AP5M1: variants seen among roughly 807,000 people sequenced by gnomAD.
The protein encoded by AP5M1 is adaptor related protein complex 5 subunit mu 1.
In AP5M1, 44 loss-of-function variants were observed where a neutral mutation model predicts 52.3. That is an observed-to-expected ratio of 0.84 (90% CI 0.66 to 1.08). The LOEUF (loss-of-function observed/expected upper bound fraction) is 1.08. Among genes scored for constraint, AP5M1 ranks in the 50% least tolerant of loss-of-function variants. The pLI, the probability that AP5M1 is intolerant of heterozygous loss-of-function variation, is 0.00. For synonymous variants in AP5M1, 213 were observed against 199.0 expected, an observed-to-expected ratio of 1.07 and a Z score of -0.59; for missense variants, 526 against 568.4, an observed-to-expected ratio of 0.93 and a Z score of 0.76.
At chr14:57,272,912 C>G (rs1884928221) in intron 1 of AP5M1, among the ~76,000 whole-genome samples, 1 of 151,850 alleles carries the variant, frequency 6.6e-6, no homozygotes, top group Non-Finnish European at 1.5e-5. Flanking sequence ...TGCTTGCTTG[C>G]TTGGTGTTTT....
intron 1 of AP5M1, 41 bp downstream of exon 1, chr14:57,269,429 G>T (rs1260165197): frequency 6.3e-7 from 1 of 1,598,512 alleles, no homozygotes; most frequent in Non-Finnish European, 8.6e-7. Flanking sequence ...TGGATCAGAA[G>T]ATCGATGAAG....
Position 57,280,328 on chromosome 14 carries a change from T to C in AP5M1, c.854T>C (p.Ile285Thr), listed in dbSNP as rs1273152345. 6.2e-7 allele frequency: 1 copy of C among 1,614,020 alleles called. No homozygotes were observed. Among genetic ancestry groups the C allele is most frequent in the South Asian group, 1.1e-5 (1 of 91,088 alleles). ...TCTGCAATTCTGACTTCTAGTAGTA[T>C]TGATGCAATGGATGACTCTGCATTT... ...LDSAILTSSS[I>T]DAMDDSAFSG... Residue 285 changes from isoleucine to threonine, a missense_variant, in exon 3 of 8, where the codon ATT (isoleucine) becomes ACT (threonine). Physicochemically the swap from Ile to Thr is moderately conservative, Grantham distance 89. Transcript: ENST00000261558.
In AP5M1 at chr14:57,268,987, T is replaced by C. The variant is rs778311795; in HGVS notation, c.-328T>C. 1 of 562,954 alleles carries C rather than the reference T, an allele frequency of 1.8e-6. No individual in the cohort carries two copies. The allele number at this position is 562,954 out of a possible 1,614,324, so 34.9% of individuals were successfully genotyped here. The stretch of plus-strand genomic sequence containing the variant: ...ACCGAAAAAAGGCTCGACGCTACCG[T>C]GTATGAGGAACTTTGATCCTTGCGG... On this transcript the variant is annotated 5_prime_UTR_variant, in exon 1 of 8. Coordinates refer to ENST00000261558, the MANE Select transcript of AP5M1 (RefSeq NM_018229.4).
rs981765139 is a variant in AP5M1 at position 57,293,554 on chromosome 14, C to T, written c.*4670C>T. ...AAGTTCCTAAACCACAGCAGAATTG[C>T]GGATCAGGAAAAATACAAGATAACG... On this transcript the variant is annotated 3_prime_UTR_variant, in exon 8 of 8. Coordinates refer to ENST00000261558, the MANE Select transcript of AP5M1 (RefSeq NM_018229.4). The T allele has an allele frequency of 6.6e-6, 1 of 151,470 alleles. No homozygotes were observed. The allele number at this position is 151,470 out of a possible 1,614,324, so 9.4% of individuals were successfully genotyped here.
chr14:57,272,184 T>C (rs375280081), intron 1 of AP5M1, among the ~76,000 whole-genome samples: 5 of 152,220 alleles, frequency 3.3e-5, no homozygotes, highest in African/African-American at 1.2e-4. Context: ...AATACATTTA[T>C]GGAGGTAGCA....
chr14:57,274,242 A>G lies in AP5M1; in HGVS notation c.75-2A>G, dbSNP rs1281441427. On this transcript the variant is annotated splice_acceptor_variant, in intron 1 of 7. Transcript: ENST00000261558. LOFTEE classifies it high-confidence loss of function. ...TATAATGTTTCTGTTTCCGTAATGC[A>G]GACGGTATCCAACTGTTGAAAAACG... The G allele has an allele frequency of 2.5e-6, 4 of 1,589,606 alleles. No homozygotes were observed. Among genetic ancestry groups the G allele is most frequent in the East Asian group, 2.2e-5 (1 of 44,582 alleles).
At chr14:57,287,312 G>GTA (rs1446599737) in intron 7 of AP5M1, among the ~76,000 whole-genome samples, 1 of 152,038 alleles carries the variant, frequency 6.6e-6, no homozygotes, top group Non-Finnish European at 1.5e-5. Flanking sequence ...GACTCTCCAT[G>GTA]TACATTTCAA....
Position 57,280,243 on chromosome 14 carries a change from C to G in AP5M1, c.769C>G (p.Pro257Ala). The G allele has an allele frequency of 6.2e-7, 1 of 1,614,002 alleles. No homozygotes were observed. The highest frequency in any genetic ancestry group is 8.5e-7 in the Non-Finnish European group (1 of 1,179,964). ...MPNVTISLSL[P>A]TNGSPLQDIL... is the part of the protein sequence containing the mutation. ...AAATGTTACCATCAGCTTGAGTCTC[C>G]CCACCAATGGATCTCCACTTCAGGA... The change falls in exon 3 of 8, where the codon CCC (proline) becomes GCC (alanine). Residue 257 changes from proline (P) to alanine (A), a missense_variant. Around this residue, in one of 3 missense-constraint regions of AP5M1, gnomAD observed 425 missense variants for 430.6 expected, o/e 0.99. Coordinates refer to ENST00000261558, the MANE Select transcript of AP5M1 (RefSeq NM_018229.4).
chr14:57,281,954 T>C, intron 3 of AP5M1, 135 bp from the exon 4 acceptor site: 2 of 690,316 alleles, frequency 2.9e-6, no homozygotes, highest in Admixed American at 4.1e-5. Flanking sequence ...AAGATGAATA[T>C]AGATTCATCA....
intron 2 of AP5M1, among the ~76,000 whole-genome samples, chr14:57,276,801 T>TA (rs1166075090): frequency 6.6e-6 from 1 of 152,176 alleles, no homozygotes; most frequent in African/African-American, 2.4e-5. Context: ...CTTCCTTATT[T>TA]AAAAAATGTT....
At chr14:57,282,810 A>G (rs942648745) in intron 4 of AP5M1, 124 bp from the exon 5 acceptor site, 2 of 558,816 alleles carry the variant, frequency 3.6e-6, no homozygotes, top group Non-Finnish European at 6.3e-6. Context: ...CTATTCTGCA[A>G]ACTTGAATAC....
intron 3 of AP5M1, among the ~76,000 whole-genome samples, chr14:57,280,830 G>A (rs1348230149): frequency 6.7e-6 from 1 of 149,858 alleles, no homozygotes; most frequent in Admixed American, 6.7e-5. Flanking sequence ...CAGCCTGGGC[G>A]ACAGAGTGAG....
At chr14:57,276,059 GGTCT>G (rs1173532722) in intron 2 of AP5M1, among the ~76,000 whole-genome samples, 2 of 151,580 alleles carry the variant, frequency 1.3e-5, no homozygotes, top group African/African-American at 2.4e-5. Flanking sequence ...AGAAAAATTG[GGTCT>G]GTCTTTTTTT....
rs533291379 is a variant in AP5M1 at position 57,288,873 on chromosome 14, T to G, written c.1462T>G (p.Leu488Val). The G allele has an allele frequency of 3.1e-5, 47 of 1,535,668 alleles. No individual in the cohort carries two copies. In the East Asian group the frequency reaches 1.0e-3, roughly 33 times the overall value. ...KAPAPVTYGS[L>V]LL ...CCCTGCTCCAGTAACATATGGATCATTATTATTGTAATAGTCTCATGTTTA... is the reference window on the plus strand; with the variant it reads ...CCCTGCTCCAGTAACATATGGATCAGTATTATTGTAATAGTCTCATGTTTA... The change falls in exon 8 of 8, where the codon TTA (leucine) becomes GTA (valine). Residue 488 changes from leucine (L) to valine (V), a missense_variant. Around this residue, in one of 3 missense-constraint regions of AP5M1, gnomAD observed 97 missense variants for 121.3 expected, o/e 0.80. Transcript: ENST00000261558.
chr14:57,275,039 T>G (rs1476451098), intron 2 of AP5M1, 150 bp downstream of exon 2: 1 of 809,322 alleles, frequency 1.2e-6, no homozygotes, highest in Non-Finnish European at 1.9e-6. Flanking sequence ...TTATGTTATC[T>G]TTTTGCATTC....
chr14:57,289,331 C>T lies in AP5M1; in HGVS notation c.*447C>T, dbSNP rs1439270486. The T allele has an allele frequency of 6.6e-6, 1 of 152,418 alleles. No individual in the cohort carries two copies. Among genetic ancestry groups the T allele is most frequent in the Non-Finnish European group, 1.5e-5 (1 of 68,292 alleles). 9.4% of individuals were successfully genotyped at this position (152,418 alleles called of 1,614,324 possible). ...TAATGTGCAAGATAAAAACTATTTTCTCTTCCAAATCTAAGTACTAAGCTC... is the reference window on the plus strand; with the variant it reads ...TAATGTGCAAGATAAAAACTATTTTTTCTTCCAAATCTAAGTACTAAGCTC... On this transcript the variant is annotated 3_prime_UTR_variant, in exon 8 of 8. Coordinates refer to ENST00000261558, the MANE Select transcript of AP5M1 (RefSeq NM_018229.4).
chr14:57,275,872 G>C (rs527813940), intron 2 of AP5M1, among the ~76,000 whole-genome samples: 4 of 152,166 alleles, frequency 2.6e-5, no homozygotes, highest in Non-Finnish European at 4.4e-5. Flanking sequence ...AAATCCTCCA[G>C]GTAAACTTCC....
At chr14:57,277,606 AC>A (rs1427754435) in intron 2 of AP5M1, among the ~76,000 whole-genome samples, 1 of 152,002 alleles carries the variant, frequency 6.6e-6, no homozygotes, top group Non-Finnish European at 1.5e-5. Context: ...TTATAAAGGC[AC>A]TAATTGTATA....
At chr14:57,281,039 C>T (rs1007787596) in intron 3 of AP5M1, among the ~76,000 whole-genome samples, 3 of 152,020 alleles carry the variant, frequency 2.0e-5, no homozygotes, top group African/African-American at 7.3e-5. Context: ...AAATACCCCT[C>T]ATCGCAGGCA....
Sources: allele counts gnomAD v4.1 joint callset (sites outside exome capture counted in the v4.1 genomes callset), GRCh38; gene constraint gnomAD v4.1.1; regional missense constraint gnomAD v4.1.1; transcripts MANE v1.5; gene names NCBI Gene and HGNC (gene_info 2026-07-23, HGNC 2026-07-21).